Variants in BRAF observed in about 807,000 individuals in gnomAD.
BRAF encodes serine/threonine-protein kinase B-raf.
Under a neutral mutation model 104.6 loss-of-function variants are expected in BRAF, and 16 were observed. The observed-to-expected ratio is 0.15, with a 90% CI of 0.10 to 0.23. The LOEUF (loss-of-function observed/expected upper bound fraction) is 0.23. Ranked by LOEUF, BRAF falls within the 10% of genes least tolerant of loss-of-function variation. The pLI is 1.00. For synonymous variants in BRAF, 310 were observed against 341.6 expected, an observed-to-expected ratio of 0.91 and a Z score of 1.02; for missense variants, 541 against 937.3, an observed-to-expected ratio of 0.58 and a Z score of 5.52.
chr7:140,858,185 A>C (rs939933811), intron 1 of BRAF, among the ~76,000 whole-genome samples: 2 of 152,198 alleles, frequency 1.3e-5, no homozygotes, highest in African/African-American at 4.8e-5. Context: ...AGGGGAAAAC[A>C]TACCTTCAAG....
intron 16 of BRAF, among the ~76,000 whole-genome samples, chr7:140,750,589 G>C (rs2128995877): frequency 6.6e-6 from 1 of 152,264 alleles, no homozygotes; most frequent in East Asian, 1.9e-4. Flanking sequence ...TGAGAGGATG[G>C]AAGTGAAGGA....
At chr7:140,765,471 C>T (rs1424950444) in intron 14 of BRAF, among the ~76,000 whole-genome samples, 1 of 152,130 alleles carries the variant, frequency 6.6e-6, no homozygotes, top group African/African-American at 2.4e-5. Flanking sequence ...AACTAAAGAG[C>T]TTCTGCACAG....
intron 5 of BRAF, among the ~76,000 whole-genome samples, chr7:140,806,475 A>G (rs1229768815): frequency 1.3e-5 from 2 of 152,190 alleles, no homozygotes; most frequent in African/African-American, 4.8e-5. Flanking sequence ...GACAATTTCC[A>G]TACTCTGGAA....
At chr7:140,740,004 C>G in intron 17 of BRAF, 58 bp from the exon 17 acceptor site, 1 of 1,531,790 alleles carries the variant, frequency 6.5e-7, no homozygotes, top group Non-Finnish European at 9.0e-7. Context: ...GAAAAATATA[C>G]TTCACACTCA....
At chr7:140,737,902 T>C (rs1796571360) in intron 18 of BRAF, among the ~76,000 whole-genome samples, 1 of 152,218 alleles carries the variant, frequency 6.6e-6, no homozygotes, top group South Asian at 2.1e-4. Flanking sequence ...TAATGAAATG[T>C]TATATTTAGA....
At chr7:140,885,323 A>G (rs1813441939) in intron 1 of BRAF, among the ~76,000 whole-genome samples, 1 of 152,098 alleles carries the variant, frequency 6.6e-6, no homozygotes, top group Non-Finnish European at 1.5e-5. Context: ...TTTAAAAAAA[A>G]AAATTTTTTT....
chr7:140,715,039 G>C (rs1795106213), downstream of BRAF, among the ~76,000 whole-genome samples: 1 of 152,154 alleles, frequency 6.6e-6, no homozygotes, highest in African/African-American at 2.4e-5. Flanking sequence ...GAGAGGGTGG[G>C]ACTAGATCTC....
intron 1 of BRAF, among the ~76,000 whole-genome samples, chr7:140,918,655 A>AT (rs1233757553): frequency 6.6e-6 from 1 of 152,170 alleles, no homozygotes; most frequent in Non-Finnish European, 1.5e-5. Context: ...TCATAAGGTG[A>AT]TTTTGTGACC....
At chr7:140,782,432 T>G (rs1435690740) in intron 11 of BRAF, among the ~76,000 whole-genome samples, 1 of 150,566 alleles carries the variant, frequency 6.6e-6, no homozygotes, top group African/African-American at 2.5e-5. Context: ...GTGCTAAATT[T>G]CTTCATGTAT....
intron 1 of BRAF, among the ~76,000 whole-genome samples, chr7:140,902,664 G>A (rs1411818356): frequency 6.6e-6 from 1 of 152,316 alleles, no homozygotes; most frequent in Non-Finnish European, 1.5e-5. Flanking sequence ...CGGGCACTAC[G>A]GCTCATGCCT....
chr7:140,757,557 G>C (rs1318078268), intron 14 of BRAF, among the ~76,000 whole-genome samples: 1 of 152,116 alleles, frequency 6.6e-6, no homozygotes, highest in East Asian at 1.9e-4. Flanking sequence ...CAAAGTGCTG[G>C]GATTACAGGC....
intron 3 of BRAF, among the ~76,000 whole-genome samples, chr7:140,828,524 T>C (rs912888700): frequency 1.3e-5 from 2 of 152,200 alleles, no homozygotes; most frequent in African/African-American, 4.8e-5. Context: ...GTGATATACA[T>C]AAAGAATAAG....
chr7:140,869,716 A>G (rs1811364297), intron 1 of BRAF, among the ~76,000 whole-genome samples: 1 of 152,196 alleles, frequency 6.6e-6, no homozygotes, highest in East Asian at 1.9e-4. Context: ...CACATGTACA[A>G]CTTAATCAAG....
At chr7:140,778,109 A>G in intron 12 of BRAF, 34 bp from the exon 12 acceptor site, 3 of 1,599,258 alleles carry the variant, frequency 1.9e-6, no homozygotes, top group Non-Finnish European at 2.6e-6. Flanking sequence ...GTGTCATTTC[A>G]ATTTTTAAAA....
intron 14 of BRAF, among the ~76,000 whole-genome samples, chr7:140,763,508 C>G (rs111947383): frequency 0.099 from 15,052 of 152,240 alleles, 827 homozygotes; most frequent in South Asian, 0.19. Context: ...GGCCCAGGAG[C>G]TGGTTTTTTG....
At chr7:140,792,720 C>A (rs1009817156) in intron 8 of BRAF, among the ~76,000 whole-genome samples, 2 of 152,208 alleles carry the variant, frequency 1.3e-5, no homozygotes, top group African/African-American at 4.8e-5. Context: ...ACTGTGACTT[C>A]CTTGAGGGCA....
At chr7:140,885,009 C>T (rs952674742) in intron 1 of BRAF, among the ~76,000 whole-genome samples, 2 of 151,750 alleles carry the variant, frequency 1.3e-5, no homozygotes, top group Non-Finnish European at 2.9e-5. Context: ...TTTATTTATT[C>T]ATTTATTTTG....
rs776003828 is a variant in BRAF at position 140,734,784 on chromosome 7, A to G, written c.2248-14T>C. 3 of 1,337,312 alleles carry G rather than the reference A, an allele frequency of 2.2e-6. No homozygotes were observed. The highest frequency in any genetic ancestry group is 1.9e-6 in the Non-Finnish European group (2 of 1,025,966). The allele number at this position is 1,337,312 out of a possible 1,614,324, so 82.8% of individuals were successfully genotyped here. A position where few individuals can be genotyped will look rare whatever the true frequency, so the allele number is the denominator to read the frequency against. Reference sequence around the variant, plus strand: ...AGAGGCGAGAATCTACAAAAAAAAAAAGAAAAAAAAAAGAAAAAAAAAGAA... The same window carrying G: ...AGAGGCGAGAATCTACAAAAAAAAAGAGAAAAAAAAAAGAAAAAAAAAGAA... On this transcript the variant is annotated splice_polypyrimidine_tract_variant and intron_variant, in intron 18 of 19. Coordinates refer to ENST00000644969, the MANE Select transcript of BRAF (RefSeq NM_001374258.1).
chr7:140,882,689 T>C (rs1033777617), intron 1 of BRAF, among the ~76,000 whole-genome samples: 2 of 150,452 alleles, frequency 1.3e-5, no homozygotes, highest in Admixed American at 1.3e-4. Context: ...TAAGTATCTG[T>C]CTTAAAAAAG....
Sources: gnomAD v4.1 joint callset for allele counts (sites outside exome capture counted in the v4.1 genomes callset) on GRCh38, gnomAD v4.1.1 for gene constraint, MANE v1.5 for transcripts, NCBI Gene and HGNC (gene_info 2026-07-23, HGNC 2026-07-21) for gene names.